Variants in CPB2 observed in about 807,000 individuals in gnomAD.
CPB2 encodes carboxypeptidase B2, also known as carboxypeptidase B-like protein.
In CPB2, 54 loss-of-function variants were observed where a neutral mutation model predicts 57.0. That is an observed-to-expected ratio of 0.95 (90% confidence interval 0.76 to 1.19). CPB2 has a LOEUF of 1.19. CPB2 is among the 50% of genes most tolerant of loss of function. CPB2 has a pLI of 0.00. For missense variants in CPB2, 426 were observed against 512.0 expected (o/e 0.83, Z 1.62); for synonymous variants, 189 against 178.1 (o/e 1.06, Z -0.49).
intron 2 of CPB2, among the ~76,000 whole-genome samples, chr13:46,084,694 TAGAA>T (rs1360893747): frequency 3.3e-5 from 5 of 152,112 alleles, no homozygotes; most frequent in African/African-American, 9.7e-5. Flanking sequence ...AAATTTTTTC[TAGAA>T]AGAAAGTTGA....
At chr13:46,088,455 G>A (rs9567620) in intron 1 of CPB2, among the ~76,000 whole-genome samples, 57,743 of 152,028 alleles carry the variant, frequency 0.38, 11,470 homozygotes, top group East Asian at 0.63. Context: ...GTTCGGTATT[G>A]TATTCTCAAG....
chr13:46,061,871 G>C (rs1430856245), intron 8 of CPB2, among the ~76,000 whole-genome samples: 1 of 151,984 alleles, frequency 6.6e-6, no homozygotes, highest in Non-Finnish European at 1.5e-5. Flanking sequence ...AGGTGTTTTT[G>C]GATCCTTTAT....
rs376405552 is a variant in CPB2, at chr13:46,102,467, A to AT, written c.74+2468dup. On this transcript the variant is annotated intron_variant, in intron 1 of 10. Coordinates refer to ENST00000181383, the MANE Select transcript of CPB2 (RefSeq NM_001872.5). ...CCAGGGCATTTCACTGATGAAATTT[A>AT]TCAAAATGAACCTACAAATCAGCCA... Among the ~76,000 whole-genome samples, 256 of 151,560 alleles carry AT rather than the reference A, an allele frequency of 1.7e-3. 2 individuals carry two copies. Among genetic ancestry groups the AT allele is most frequent in the African/African-American group, 5.6e-3 (232 of 41,344 alleles).
At position 46,089,349 on chromosome 13, in the gene CPB2, T is replaced by A. The variant is rs936272181; in HGVS notation, c.75-1529A>T. On this transcript the variant is annotated intron_variant, in intron 1 of 10. Coordinates refer to ENST00000181383, the MANE Select transcript of CPB2 (RefSeq NM_001872.5). ...TACCCAGCCTTCCGTGTGGTTGTGT[T>A]GAGAGCCAGTGCCTGAGCTTTGCCA... 2.6e-5 allele frequency among the ~76,000 whole-genome samples: 4 copies of A among 152,154 alleles called. No individual in the cohort carries two copies. The South Asian group carries it at 8.3e-4, about 31-fold the overall frequency.
At position 46,064,168 on chromosome 13, in the gene CPB2, G is replaced by A. The variant is rs1450760740; in HGVS notation, c.796+480C>T. Among the ~76,000 whole-genome samples, 4 of 152,096 alleles carry A rather than the reference G, an allele frequency of 2.6e-5. No homozygotes were observed. In the East Asian group the frequency reaches 5.8e-4, roughly 22 times the overall value. ...CCCAGCTACTTGGGAGGCTGAGGCA[G>A]GAGAATCCTTGAACCTAGGAGGCAG... On this transcript the variant is annotated intron_variant, in intron 8 of 10. Transcript: ENST00000181383.
intron 7 of CPB2, among the ~76,000 whole-genome samples, 164 bp from the exon 8 acceptor site, chr13:46,064,905 G>T (rs1027349903): frequency 6.6e-6 from 1 of 152,108 alleles, no homozygotes; most frequent in African/African-American, 2.4e-5. Context: ...TCCTTTGCAC[G>T]GTCCCTATTG....
intron 6 of CPB2, among the ~76,000 whole-genome samples, chr13:46,070,254 G>A (rs2044919813): frequency 6.6e-6 from 1 of 152,084 alleles, no homozygotes; most frequent in Non-Finnish European, 1.5e-5. Flanking sequence ...GGAAGGTTAG[G>A]CTATGATATT....
At chr13:46,089,270 A>T (rs2045256649) in intron 1 of CPB2, among the ~76,000 whole-genome samples, 3 of 152,112 alleles carry the variant, frequency 2.0e-5, no homozygotes. Flanking sequence ...TGGCAGAGAA[A>T]ATGTTGGTTC....
intron 1 of CPB2, among the ~76,000 whole-genome samples, chr13:46,104,423 C>A (rs1201995340): frequency 6.6e-6 from 1 of 152,172 alleles, no homozygotes; most frequent in Non-Finnish European, 1.5e-5. Context: ...ATCTACTAAG[C>A]AAAATAAGAA....
At chr13:46,069,577 A>T (rs966854130) in intron 6 of CPB2, among the ~76,000 whole-genome samples, 7 of 152,186 alleles carry the variant, frequency 4.6e-5, no homozygotes, top group Non-Finnish European at 1.0e-4. Flanking sequence ...TGGACATTTC[A>T]TATAAATGGA....
At chr13:46,067,264 C>T (rs1441429728) in intron 7 of CPB2, 43 bp downstream of exon 7, 6 of 991,924 alleles carry the variant, frequency 6.0e-6, no homozygotes, top group Non-Finnish European at 9.7e-6. Context: ...TATCCTATAT[C>T]CCCAAGGAGA....
intron 7 of CPB2, among the ~76,000 whole-genome samples, chr13:46,066,427 G>T (rs1402362435): frequency 2.0e-5 from 3 of 152,176 alleles, no homozygotes; most frequent in African/African-American, 7.2e-5. Context: ...AGGAAAAAAA[G>T]AAGAGAGAGA....
At chr13:46,053,819 T>C (rs2044629655) in intron 10 of CPB2, 21 bp from the exon 11 acceptor site, 22 of 1,601,326 alleles carry the variant, frequency 1.4e-5, no homozygotes, top group Non-Finnish European at 1.8e-5. Flanking sequence ...AAGAAAGAAA[T>C]TGTTGAAATA....
At position 46,053,522 on chromosome 13, in the gene CPB2, G is replaced by A. The variant is rs957576027; in HGVS notation, c.*92C>T. ...TAGGAAAATCTTTTATCAAAACTAC[G>A]GATAAAACTTAAAAATAATTTGATA... On this transcript the variant is annotated 3_prime_UTR_variant, in exon 11 of 11. Coordinates refer to ENST00000181383, the MANE Select transcript of CPB2 (RefSeq NM_001872.5). The A allele has an allele frequency of 5.3e-6, 8 of 1,514,408 alleles. No homozygotes were observed. The East Asian group carries it at 1.1e-4, about 21-fold the overall frequency. 93.8% of individuals were successfully genotyped at this position (1,514,408 alleles called of 1,614,324 possible). A position where few individuals can be genotyped will look rare whatever the true frequency, so the allele number is the denominator to read the frequency against.
At chr13:46,066,174 CTT>C (rs1425331713) in intron 7 of CPB2, among the ~76,000 whole-genome samples, 2 of 152,192 alleles carry the variant, frequency 1.3e-5, no homozygotes, top group South Asian at 4.1e-4. Flanking sequence ...TCTTATTCCT[CTT>C]AGTATTTATA....
chr13:46,084,434 A>T, intron 2 of CPB2, 91 bp from the exon 3 acceptor site: 1 of 1,422,152 alleles, frequency 7.0e-7, no homozygotes, highest in Non-Finnish European at 9.6e-7. Flanking sequence ...TTTTATCTAT[A>T]AGGAGTATGA....
At chr13:46,054,254 T>C (rs2044652149) in intron 10 of CPB2, among the ~76,000 whole-genome samples, 1 of 152,248 alleles carries the variant, frequency 6.6e-6, no homozygotes. Flanking sequence ...GCTATCTTTA[T>C]ATTTCCTATC....
At chr13:46,100,587 T>A (rs2045422136) in intron 1 of CPB2, 1 of 152,156 alleles carries the variant, frequency 6.6e-6, no homozygotes, top group Non-Finnish European at 1.5e-5. Context: ...TAGGGGGACT[T>A]CCAGGAGATA....
intron 7 of CPB2, among the ~76,000 whole-genome samples, chr13:46,066,629 G>A (rs188548941): frequency 1.2e-3 from 178 of 152,260 alleles, no homozygotes; most frequent in African/African-American, 3.9e-3. Context: ...TGCATCACAA[G>A]GGCAGGAGTT....
Sources: gnomAD v4.1 joint callset for allele counts (sites outside exome capture counted in the v4.1 genomes callset) on GRCh38, gnomAD v4.1.1 for gene constraint, MANE v1.5 for transcripts, NCBI Gene and HGNC (gene_info 2026-07-23, HGNC 2026-07-21) for gene names.